Variants in ZSWIM6 observed in about 807,000 individuals in gnomAD.
The protein encoded by ZSWIM6 is zinc finger SWIM domain-containing protein 6.
Under a neutral mutation model 113.2 loss-of-function variants are expected in ZSWIM6, and 9 were observed. The observed-to-expected ratio is 0.08, with a 90% CI of 0.05 to 0.14. The LOEUF (loss-of-function observed/expected upper bound fraction) is 0.14, where lower values mean the gene tolerates loss of function less well. ZSWIM6 is among the 10% of genes least tolerant of loss of function. The pLI, the probability that ZSWIM6 is intolerant of heterozygous loss-of-function variation, is 1.00. For synonymous variants in ZSWIM6, 611 were observed against 606.5 expected, an observed-to-expected ratio of 1.01 and a Z score of -0.11; for missense variants, 1,162 against 1,552.2, an observed-to-expected ratio of 0.75 and a Z score of 4.22.
intron 1 of ZSWIM6, among the ~76,000 whole-genome samples, chr5:61,466,045 A>AT (rs1747427749): frequency 6.6e-6 from 1 of 152,108 alleles, no homozygotes; most frequent in Admixed American, 6.5e-5. Context: ...AAGGAATATG[A>AT]TATTTCATAC....
chr5:61,458,228 C>A (rs890826690), intron 1 of ZSWIM6, among the ~76,000 whole-genome samples: 52 of 152,060 alleles, frequency 3.4e-4, no homozygotes, highest in African/African-American at 1.3e-3. Context: ...AAAGCATCCT[C>A]AAAAGTATTT....
At chr5:61,390,978 G>A in intron 1 of ZSWIM6, 2 of 757,150 alleles carry the variant, frequency 2.6e-6, no homozygotes, top group Non-Finnish European at 2.4e-6. Flanking sequence ...CATTGTTCTT[G>A]ATCAGTTTGC....
intron 1 of ZSWIM6, among the ~76,000 whole-genome samples, chr5:61,341,591 A>T (rs1016805786): frequency 6.6e-6 from 1 of 152,176 alleles, no homozygotes; most frequent in African/African-American, 2.4e-5. Context: ...CTGTTACATG[A>T]ATGTATACAT....
At chr5:61,367,347 C>A (rs958448082) in intron 1 of ZSWIM6, among the ~76,000 whole-genome samples, 1 of 152,110 alleles carries the variant, frequency 6.6e-6, no homozygotes, top group Non-Finnish European at 1.5e-5. Flanking sequence ...CCTTGTACTC[C>A]TGGGTTCAAG....
At chr5:61,373,554 G>C (rs931615122) in intron 1 of ZSWIM6, among the ~76,000 whole-genome samples, 1 of 151,772 alleles carries the variant, frequency 6.6e-6, no homozygotes, top group Non-Finnish European at 1.5e-5. Flanking sequence ...ATCACGTCTG[G>C]TTCATTGCAG....
At chr5:61,356,152 G>GT (rs1744902979) in intron 1 of ZSWIM6, among the ~76,000 whole-genome samples, 2 of 152,198 alleles carry the variant, frequency 1.3e-5, no homozygotes, top group South Asian at 4.1e-4. Context: ...CCAAGCTGGA[G>GT]TGCAGTGTCA....
intron 1 of ZSWIM6, among the ~76,000 whole-genome samples, chr5:61,417,528 A>C (rs1746281732): frequency 2.0e-5 from 3 of 152,192 alleles, no homozygotes; most frequent in Admixed American, 2.0e-4. Flanking sequence ...GTAATTAGAA[A>C]GGCTGCCTAA....
At chr5:61,382,049 A>C (rs1745499121) in intron 1 of ZSWIM6, among the ~76,000 whole-genome samples, 1 of 152,182 alleles carries the variant, frequency 6.6e-6, no homozygotes, top group Non-Finnish European at 1.5e-5. Context: ...TGAGAACTGG[A>C]ATGCAGGCCA....
chr5:61,409,422 TG>T (rs1746111545), intron 1 of ZSWIM6, among the ~76,000 whole-genome samples: 1 of 152,198 alleles, frequency 6.6e-6, no homozygotes, highest in Non-Finnish European at 1.5e-5. Context: ...AGAAATTATG[TG>T]GAAAATTGGC....
chr5:61,414,042 T>C (rs1269348066), intron 1 of ZSWIM6, among the ~76,000 whole-genome samples: 2 of 151,746 alleles, frequency 1.3e-5, no homozygotes, highest in Non-Finnish European at 2.9e-5. Context: ...CCAGATGGGG[T>C]AGGAGAAATG....
chr5:61,395,416 A>T (rs1329231012), intron 1 of ZSWIM6, among the ~76,000 whole-genome samples: 1 of 151,994 alleles, frequency 6.6e-6, no homozygotes, highest in African/African-American at 2.4e-5. Context: ...CTGTGCATTG[A>T]TTTTTTTCCC....
intron 1 of ZSWIM6, among the ~76,000 whole-genome samples, chr5:61,471,300 G>C (rs16891566): frequency 0.033 from 4,945 of 150,756 alleles, 255 homozygotes; most frequent in African/African-American, 0.11. Context: ...ATATGGCTTT[G>C]AGAGAGAGAG....
At chr5:61,500,596 T>G (rs980536872) in intron 4 of ZSWIM6, among the ~76,000 whole-genome samples, 1 of 152,150 alleles carries the variant, frequency 6.6e-6, no homozygotes, top group South Asian at 2.1e-4. Context: ...TCCGCTGAGC[T>G]TACCTAGTCT....
chr5:61,494,220 G>A lies in ZSWIM6; in HGVS notation c.1183-40G>A, dbSNP rs768917417. 6.5e-5 allele frequency: 100 copies of A among 1,541,312 alleles called. 1 individual carries two copies. Among genetic ancestry groups the A allele is most frequent in the South Asian group, 3.0e-4 (25 of 83,582 alleles). ...TGCTGTGGGGTTTTGTTGTGTTTTC[G>A]TTTTGAACAATTTTCTAAAGGTCTG... On this transcript the variant is annotated intron_variant, in intron 3 of 13. Transcript: ENST00000252744.
intron 1 of ZSWIM6, among the ~76,000 whole-genome samples, chr5:61,355,899 A>G (rs570180737): frequency 1.5e-4 from 23 of 152,358 alleles, no homozygotes; most frequent in South Asian, 1.2e-3. Flanking sequence ...CTACTAGGAA[A>G]TTTAAAATTA....
intron 1 of ZSWIM6, among the ~76,000 whole-genome samples, chr5:61,395,606 G>A (rs1252379310): frequency 6.7e-6 from 1 of 148,674 alleles, no homozygotes; most frequent in Non-Finnish European, 1.5e-5. Context: ...AAACAAAATG[G>A]ATATCAAAAA....
chr5:61,531,334 C>T, intron 8 of ZSWIM6, 131 bp from the exon 9 acceptor site: 1 of 1,119,584 alleles, frequency 8.9e-7, no homozygotes, highest in Non-Finnish European at 1.2e-6. Flanking sequence ...GCCTAAAAAA[C>T]ATGTTTTCTG....
intron 1 of ZSWIM6, among the ~76,000 whole-genome samples, chr5:61,392,717 A>T (rs1396836343): frequency 6.6e-6 from 1 of 152,032 alleles, no homozygotes; most frequent in Non-Finnish European, 1.5e-5. Context: ...GATTCAAGTG[A>T]TTCTCCTGCC....
chr5:61,391,044 G>A, intron 1 of ZSWIM6: 1 of 743,806 alleles, frequency 1.3e-6, no homozygotes, highest in East Asian at 2.5e-5. Flanking sequence ...TCTCAGTGCT[G>A]TGACAGTAAC....
Sources: gnomAD v4.1 joint callset for allele counts (sites outside exome capture counted in the v4.1 genomes callset) on GRCh38, gnomAD v4.1.1 for gene constraint, MANE v1.5 for transcripts, NCBI Gene and HGNC (gene_info 2026-07-23, HGNC 2026-07-21) for gene names.